Variants in ZNF423 observed in about 807,000 individuals in gnomAD.
ZNF423 encodes the protein zinc finger protein 423.
Under a neutral mutation model 95.8 loss-of-function variants are expected in ZNF423, and 12 were observed. The observed-to-expected ratio is 0.13, with a 90% CI of 0.08 to 0.20. The LOEUF is 0.20. ZNF423 is among the 10% of genes least tolerant of loss of function. The pLI is 1.00. For missense variants in ZNF423, 1,316 were observed against 1,737.1 expected, an observed-to-expected ratio of 0.76 and a Z score of 4.31; for synonymous variants, 749 against 711.9, an observed-to-expected ratio of 1.05 and a Z score of -0.83.
intron 2 of ZNF423, among the ~76,000 whole-genome samples, chr16:49,782,590 G>A (rs1252245990): frequency 6.6e-6 from 1 of 152,230 alleles, no homozygotes; most frequent in Non-Finnish European, 1.5e-5. Flanking sequence ...CACCATGCCA[G>A]AAATAAACTT....
At chr16:49,780,199 C>T (rs749466064) in intron 2 of ZNF423, among the ~76,000 whole-genome samples, 1 of 152,218 alleles carries the variant, frequency 6.6e-6, no homozygotes, top group Non-Finnish European at 1.5e-5. Flanking sequence ...CACATGTGTA[C>T]ATGTATGCAC....
At chr16:49,558,987 C>T (rs751523678) in intron 5 of ZNF423, among the ~76,000 whole-genome samples, 12 of 152,216 alleles carry the variant, frequency 7.9e-5, no homozygotes, top group Admixed American at 2.0e-4. Flanking sequence ...GGGGGCAAGT[C>T]CTGAGCTCCT....
intron 3 of ZNF423, among the ~76,000 whole-genome samples, chr16:49,702,727 C>A (rs2032223772): frequency 6.6e-6 from 1 of 152,192 alleles, no homozygotes; most frequent in South Asian, 2.1e-4. Context: ...GTGATGGGGG[C>A]CAGAGATGGA....
At chr16:49,801,469 A>G (rs2034582453) in intron 1 of ZNF423, among the ~76,000 whole-genome samples, 1 of 152,108 alleles carries the variant, frequency 6.6e-6, no homozygotes, top group African/African-American at 2.4e-5. Context: ...GCCCTGGAAT[A>G]CTCCTGGACA....
intron 1 of ZNF423, among the ~76,000 whole-genome samples, chr16:49,835,029 G>T (rs1166276741): frequency 3.3e-5 from 5 of 152,098 alleles, no homozygotes; most frequent in Non-Finnish European, 5.9e-5. Context: ...CTGAGGCCTT[G>T]GGGGGAGTCT....
At chr16:49,815,618 G>A (rs934119195) in intron 1 of ZNF423, among the ~76,000 whole-genome samples, 3 of 151,878 alleles carry the variant, frequency 2.0e-5, no homozygotes, top group Non-Finnish European at 4.4e-5. Flanking sequence ...TTCAATCCTC[G>A]GAGTACTGGC....
rs541252398 is a variant in ZNF423, at chr16:49,495,118, G to A, written c.3850-3814C>T. Among the ~76,000 whole-genome samples, 158 of 152,302 alleles carry A rather than the reference G, an allele frequency of 1.0e-3. 1 individual carries two copies. Among genetic ancestry groups the A allele is most frequent in the African/African-American group, 3.7e-3 (153 of 41,540 alleles). ...GGAGGCCTGGCATCCACTCGGCCTCGCTGCCTGCCAGGGAGACACAGGTGT... is the reference window on the plus strand; with the variant it reads ...GGAGGCCTGGCATCCACTCGGCCTCACTGCCTGCCAGGGAGACACAGGTGT... On this transcript the variant is annotated intron_variant, in intron 7 of 7. Transcript: ENST00000563137.
chr16:49,786,542 G>A (rs887590118), intron 2 of ZNF423, among the ~76,000 whole-genome samples: 1 of 152,198 alleles, frequency 6.6e-6, no homozygotes, highest in Non-Finnish European at 1.5e-5. Context: ...GGGGGCCTGT[G>A]AGCAGGACCA....
chr16:49,565,268 G>A (rs1264729269), intron 5 of ZNF423, among the ~76,000 whole-genome samples: 1 of 152,132 alleles, frequency 6.6e-6, no homozygotes, highest in Non-Finnish European at 1.5e-5. Context: ...GAAACACGTG[G>A]GCCCAGAGTG....
intron 5 of ZNF423, among the ~76,000 whole-genome samples, chr16:49,622,431 A>G (rs1319880877): frequency 7.2e-6 from 1 of 139,264 alleles, no homozygotes; most frequent in Non-Finnish European, 1.5e-5. Flanking sequence ...TGCTCTGCTC[A>G]CCCCCCATCC....
intron 5 of ZNF423, among the ~76,000 whole-genome samples, chr16:49,549,734 T>C (rs1969569751): frequency 6.6e-6 from 1 of 152,234 alleles, no homozygotes; most frequent in South Asian, 2.1e-4. Context: ...ATCTTACAGA[T>C]AAGGAAACTG....
chr16:49,826,240 T>G (rs1328994448), intron 1 of ZNF423, among the ~76,000 whole-genome samples: 1 of 152,190 alleles, frequency 6.6e-6, no homozygotes, highest in Non-Finnish European at 1.5e-5. Context: ...GGCTGTCACA[T>G]GCCAGGGATG....
At chr16:49,555,015 A>G (rs1264334505) in intron 5 of ZNF423, among the ~76,000 whole-genome samples, 5 of 152,146 alleles carry the variant, frequency 3.3e-5, no homozygotes, top group Non-Finnish European at 5.9e-5. Context: ...GGAAACTGGG[A>G]TGTAGACAAC....
intron 2 of ZNF423, among the ~76,000 whole-genome samples, chr16:49,770,264 A>G (rs2034009403): frequency 6.6e-6 from 1 of 152,222 alleles, no homozygotes; most frequent in Non-Finnish European, 1.5e-5. Flanking sequence ...GCTCATAACC[A>G]TCACAGCCCT....
In ZNF423 at chr16:49,493,805, T is replaced by C. The variant is rs539400980; in HGVS notation, c.3850-2501A>G. On this transcript the variant is annotated intron_variant, in intron 7 of 7. Transcript: ENST00000563137. Reference sequence around the variant, plus strand: ...GAGGAAAGAATAGCAGAGACGGAGGTGTGGAGCCTAGAATCCAAGTGGCGA... The same window carrying C: ...GAGGAAAGAATAGCAGAGACGGAGGCGTGGAGCCTAGAATCCAAGTGGCGA... 2.7e-3 allele frequency among the ~76,000 whole-genome samples: 408 copies of C among 151,764 alleles called. 4 individuals are homozygous for C. Among genetic ancestry groups the C allele is most frequent in the South Asian group, 0.021 (102 of 4,772 alleles).
intron 3 of ZNF423, among the ~76,000 whole-genome samples, chr16:49,642,245 A>C (rs747773472): frequency 2.4e-4 from 37 of 152,214 alleles, no homozygotes; most frequent in South Asian, 1.0e-3. Context: ...GGGTTCAGGG[A>C]GGTGAGGAAC....
chr16:49,765,203 A>G (rs2033908166), intron 2 of ZNF423, among the ~76,000 whole-genome samples: 1 of 152,072 alleles, frequency 6.6e-6, no homozygotes, highest in African/African-American at 2.4e-5. Context: ...GAAAGAAAAA[A>G]CTGAGTAGAA....
intron 2 of ZNF423, among the ~76,000 whole-genome samples, chr16:49,772,150 G>A (rs193045899): frequency 6.6e-6 from 1 of 152,334 alleles, no homozygotes; most frequent in East Asian, 1.9e-4. Context: ...AAACCCAGGG[G>A]AGCTAATGTT....
chr16:49,828,056 T>A (rs1284927234), intron 1 of ZNF423, among the ~76,000 whole-genome samples: 3 of 152,220 alleles, frequency 2.0e-5, no homozygotes, highest in African/African-American at 7.2e-5. Flanking sequence ...CGATTCAGAC[T>A]TTTCACGAAA....
Sources: allele counts gnomAD v4.1 joint callset (sites outside exome capture counted in the v4.1 genomes callset), GRCh38; gene constraint gnomAD v4.1.1; transcripts MANE v1.5; gene names NCBI Gene and HGNC (gene_info 2026-07-23, HGNC 2026-07-21).